MNT: variants seen among roughly 807,000 people sequenced by gnomAD.
MNT encodes MAX network transcriptional repressor, also known as max-binding protein MNT.
A neutral mutation model predicts 40.7 loss-of-function variants in MNT; 13 were observed. The observed-to-expected ratio is 0.32, with a 90% CI of 0.21 to 0.51. The LOEUF is 0.51. MNT is among the 20% of genes least tolerant of loss of function. The pLI is 0.98. For missense variants in MNT, 757 were observed against 792.0 expected (o/e 0.96, Z 0.53); for synonymous variants, 426 against 354.8 (o/e 1.20, Z -2.26).
rs778556609 is a variant in MNT at position 2,395,458 on chromosome 17, C to A, written c.74-4G>T. 6.2e-7 allele frequency: 1 copy of A among 1,611,466 alleles called. No homozygotes were observed. Among genetic ancestry groups the A allele is most frequent in the South Asian group, 1.1e-5 (1 of 91,050 alleles). On this transcript the variant is annotated splice_polypyrimidine_tract_variant and splice_region_variant and intron_variant, in intron 1 of 5. Transcript: ENST00000174618. ...AAGCGAAGCCGCTCCTGCTCCTCTA[C>A]ACAGAGAGAACACAAGGGGGGGAGG...
chr17:2,393,034 C>T (rs932063704), intron 4 of MNT, among the ~76,000 whole-genome samples: 3 of 152,058 alleles, frequency 2.0e-5, no homozygotes, highest in Middle Eastern at 3.4e-3. Flanking sequence ...GCTGGCTCCT[C>T]GCGCGCTGGA....
In MNT at chr17:2,394,813, A is replaced by G. The variant is rs11650532; in HGVS notation, c.653+62T>C. 1.5e-3 allele frequency: 1,860 copies of G among 1,274,494 alleles called. 6 individuals carry two copies. Among genetic ancestry groups the G allele is most frequent in the Admixed American group, 2.2e-3 (106 of 49,260 alleles). The allele number at this position is 1,274,494 out of a possible 1,614,324, so 78.9% of individuals were successfully genotyped here. A position where few individuals can be genotyped will look rare whatever the true frequency, so the allele number is the denominator to read the frequency against. On this transcript the variant is annotated intron_variant, in intron 2 of 5. Transcript: ENST00000174618. ...GGGGAGGGCACCTTGTCTTGCACACAGCCCGGGGGATGGGCACCTCTCCTA... is the reference window on the plus strand; with the variant it reads ...GGGGAGGGCACCTTGTCTTGCACACGGCCCGGGGGATGGGCACCTCTCCTA...
At chr17:2,397,908 G>A (rs1470669345) in intron 1 of MNT, among the ~76,000 whole-genome samples, 1 of 152,242 alleles carries the variant, frequency 6.6e-6, no homozygotes, top group East Asian at 1.9e-4. Context: ...GCTCCACCCA[G>A]AGGCTGCCCC....
Position 2,386,919 on chromosome 17 carries a change from G to T in MNT, c.1731C>A (p.Ser577Arg). Residue 577 changes from serine (S) to arginine (R), a missense_variant, in exon 6 of 6, where the codon AGC becomes AGA. Ser to Arg is a moderately radical substitution (Grantham distance 110). Transcript: ENST00000174618. Reference sequence around the variant, plus strand: ...CTCGTCCTCAAGCCAGCTTGAGTGTGCTGACTGGGAAGGAGGGCATGGTGA... The same window carrying T: ...CTCGTCCTCAAGCCAGCTTGAGTGTTCTGACTGGGAAGGAGGGCATGGTGA... The part of the protein sequence containing the change: ...TMVTMPSFPV[S>R]TLKLA 6.7e-7 allele frequency: 1 copy of T among 1,484,006 alleles called. No individual in the cohort carries two copies. Among genetic ancestry groups the T allele is most frequent in the Non-Finnish European group, 9.0e-7 (1 of 1,115,072 alleles). The allele number at this position is 1,484,006 out of a possible 1,614,324, so 91.9% of individuals were successfully genotyped here.
At chr17:2,400,582 A>G in intron 1 of MNT, 58 bp downstream of exon 1, 1 of 1,506,574 alleles carries the variant, frequency 6.6e-7, no homozygotes, top group Non-Finnish European at 8.9e-7. Context: ...GGGTTCGGGG[A>G]CCGGGGTCAC....
In MNT at chr17:2,395,210, G is replaced by C. The variant is rs1207699306; in HGVS notation, c.318C>G (p.Pro106=). Residue 106 remains proline, a synonymous_variant, in exon 2 of 6, where the codon CCC becomes CCG. Transcript: ENST00000174618. ...GCAGAGGCTGGGCTGCCGCGGGCAA[G>C]GGTGGGGGTGGGGGTAGAGGCTGAG... is the stretch of plus-strand genomic sequence containing the variant. ...NSPQPLPPPP[P]LPAAAQPLPL... The C allele has an allele frequency of 2.9e-5, 42 of 1,465,702 alleles. No homozygotes were observed. Among genetic ancestry groups the C allele is most frequent in the Non-Finnish European group, 3.6e-5 (40 of 1,109,314 alleles). The allele number at this position is 1,465,702 out of a possible 1,614,324, so 90.8% of individuals were successfully genotyped here.
rs540631228 is a variant in MNT, at chr17:2,394,234, G to A, written c.695+71C>T. 4.9e-5 allele frequency: 78 copies of A among 1,591,966 alleles called. No homozygotes were observed. The South Asian group carries it at 7.7e-4, about 16-fold the overall frequency. ...GGGAGGCAGGACCGGGGAAGCTGGG[G>A]CCGAGGGCCGCCGGGGCCCGGGTCG... On this transcript the variant is annotated intron_variant, in intron 3 of 5. Coordinates refer to ENST00000174618, the MANE Select transcript of MNT (RefSeq NM_020310.3).
At position 2,386,162 on chromosome 17, in the gene MNT, T is replaced by G. The variant is rs2066457774; in HGVS notation, c.*739A>C. 6.6e-6 allele frequency: 1 copy of G among 152,236 alleles called. No individual in the cohort carries two copies. The highest frequency in any genetic ancestry group is 1.5e-5 in the Non-Finnish European group (1 of 68,056). The allele number at this position is 152,236 out of a possible 1,614,324, so 9.4% of individuals were successfully genotyped here. On this transcript the variant is annotated 3_prime_UTR_variant, in exon 6 of 6. Transcript: ENST00000174618. ...CCTCCTTCCCCACCTCAGCCTGCCC[T>G]CCTGAGGTCCAGAGCCCAGTGGCAG...
At chr17:2,391,543 T>C (rs992671687) in intron 4 of MNT, 1 of 152,330 alleles carries the variant, frequency 6.6e-6, no homozygotes, top group African/African-American at 2.4e-5. Flanking sequence ...TGCTTCAATC[T>C]AAACCCATTT....
intron 4 of MNT, chr17:2,391,766 G>A (rs2066517056): frequency 6.6e-6 from 1 of 152,252 alleles, no homozygotes; most frequent in Non-Finnish European, 1.5e-5. Flanking sequence ...ACCAGCTCTT[G>A]ATTCTGCCTG....
In MNT at chr17:2,400,927, A is replaced by G. The variant is rs1597424162; in HGVS notation, c.-215T>C. 1.2e-5 allele frequency: 5 copies of G among 402,176 alleles called. No homozygotes were observed. Among genetic ancestry groups the G allele is most frequent in the Admixed American group, 9.2e-5 (2 of 21,760 alleles). The allele number at this position is 402,176 out of a possible 1,614,324, so 24.9% of individuals were successfully genotyped here. On this transcript the variant is annotated 5_prime_UTR_variant, in exon 1 of 6. Coordinates refer to ENST00000174618, the MANE Select transcript of MNT (RefSeq NM_020310.3). The stretch of plus-strand genomic sequence containing the variant: ...GCAAAATATAAAATTGCAAATTTAA[A>G]AAAATGGGATGCAAAAAAAAAAAAA...
At chr17:2,389,212 G>A (rs1654395882) in intron 4 of MNT, 1 of 151,836 alleles carries the variant, frequency 6.6e-6, no homozygotes, top group Non-Finnish European at 1.5e-5. Context: ...TTTCGAGGCT[G>A]GTTTGGATTT....
intron 4 of MNT, chr17:2,393,745 C>T (rs1234591602): frequency 1.2e-5 from 2 of 167,354 alleles, no homozygotes; most frequent in African/African-American, 4.8e-5. Context: ...ACGGGAGCCG[C>T]CATCGGGACT....
In MNT at chr17:2,385,475, G is replaced by A. The variant is rs1242489403; in HGVS notation, c.*1426C>T. Reference sequence around the variant, plus strand: ...GAGCGTGTCTGACACAAAGCCACTTGTAATAAACACCCACATACAAGGAAA... The same window carrying A: ...GAGCGTGTCTGACACAAAGCCACTTATAATAAACACCCACATACAAGGAAA... On this transcript the variant is annotated 3_prime_UTR_variant, in exon 6 of 6. Transcript: ENST00000174618. 6.6e-6 allele frequency: 1 copy of A among 152,348 alleles called. No homozygotes were observed. Among genetic ancestry groups the A allele is most frequent in the Non-Finnish European group, 1.5e-5 (1 of 68,112 alleles). 9.4% of individuals were successfully genotyped at this position (152,348 alleles called of 1,614,324 possible). A position where few individuals can be genotyped will look rare whatever the true frequency, so the allele number is the denominator to read the frequency against.
chr17:2,395,862 C>G (rs570003656), intron 1 of MNT, among the ~76,000 whole-genome samples: 12 of 151,954 alleles, frequency 7.9e-5, no homozygotes, highest in Non-Finnish European at 1.3e-4. Flanking sequence ...GTGGGAGAGG[C>G]GGGCAGAGGC....
intron 4 of MNT, among the ~76,000 whole-genome samples, chr17:2,393,529 C>G (rs2066543781): frequency 6.6e-6 from 1 of 152,372 alleles, no homozygotes; most frequent in Admixed American, 6.5e-5. Context: ...GGCGCCTCCA[C>G]GCGCGCTCCG....
chr17:2,394,499 C>T (rs2066559051), intron 2 of MNT, among the ~76,000 whole-genome samples, 153 bp from the exon 3 acceptor site: 2 of 152,126 alleles, frequency 1.3e-5, no homozygotes, highest in Admixed American at 1.3e-4. Context: ...CCATGCTGCG[C>T]CCACCCCCTG....
intron 2 of MNT, among the ~76,000 whole-genome samples, chr17:2,394,608 C>G (rs1167036509): frequency 6.6e-6 from 1 of 152,126 alleles, no homozygotes; most frequent in East Asian, 1.9e-4. Flanking sequence ...GCCGGTTGAC[C>G]CCAGCCCTCA....
At chr17:2,389,922 C>CAA (rs999135959) in intron 4 of MNT, 1 of 151,156 alleles carries the variant, frequency 6.6e-6, no homozygotes, top group African/African-American at 2.4e-5. Context: ...GTAAGAACTG[C>CAA]AAACAAAATT....
Sources: allele counts gnomAD v4.1 joint callset (sites outside exome capture counted in the v4.1 genomes callset), GRCh38; gene constraint gnomAD v4.1.1; transcripts MANE v1.5; gene names NCBI Gene and HGNC (gene_info 2026-07-23, HGNC 2026-07-21).